JMJD6: variants seen among roughly 807,000 people sequenced by gnomAD.
The protein encoded by JMJD6 is bifunctional arginine demethylase and lysyl-hydroxylase JMJD6.
A neutral mutation model predicts 45.8 loss-of-function variants in JMJD6; 17 were observed. That is an observed-to-expected ratio of 0.37 (90% CI 0.25 to 0.56). JMJD6 has a LOEUF of 0.56. Ranked by LOEUF, JMJD6 falls within the 20% of genes least tolerant of loss-of-function variation. JMJD6 has a pLI of 0.79. For missense variants in JMJD6, 470 were observed against 517.5 expected, an observed-to-expected ratio of 0.91 and a Z score of 0.89; for synonymous variants, 221 against 196.3, an observed-to-expected ratio of 1.13 and a Z score of -1.05.
In JMJD6 at chr17:76,720,344, G is replaced by A. The variant is rs200324832; in HGVS notation, c.1080+16C>T. On this transcript the variant is annotated intron_variant, in intron 5 of 5. Coordinates refer to ENST00000397625, the MANE Select transcript of JMJD6 (RefSeq NM_015167.3). ...CCTTGGAGGCTCCAGGAGTCAGCCA[G>A]AGAGCAAGGCCTCACCTCTGAGTCG... is the stretch of plus-strand genomic sequence containing the variant. The A allele has an allele frequency of 6.2e-7, 1 of 1,613,370 alleles. No individual in the cohort carries two copies. Among genetic ancestry groups the A allele is most frequent in the African/African-American group, 1.3e-5 (1 of 75,028 alleles).
intron 5 of JMJD6, among the ~76,000 whole-genome samples, chr17:76,720,126 CAA>C (rs2076804571): frequency 6.6e-6 from 1 of 152,146 alleles, no homozygotes; most frequent in Non-Finnish European, 1.5e-5. Context: ...GCCTGGGCAA[CAA>C]GAGCGAAACT....
chr17:76,723,848 T>G lies in JMJD6; in HGVS notation c.729A>C (p.Thr243=), dbSNP rs1425997345. The G allele has an allele frequency of 6.2e-7, 1 of 1,614,082 alleles. No homozygotes were observed. Among genetic ancestry groups the G allele is most frequent in the Admixed American group, 1.7e-5 (1 of 59,996 alleles). The part of the protein sequence containing the change: ...ITWFNVIYPR[T]QLPTWPPEFK... ...ATTCAGGTGGCCAGGTTGGAAGCTG[T>G]GTCCGGGGATAAATAACATTAAACC... The change falls in exon 3 of 6, where the codon ACA becomes ACC. Residue 243 remains threonine, a synonymous_variant. Transcript: ENST00000397625.
chr17:76,723,733 G>A lies in JMJD6; in HGVS notation c.805+39C>T, dbSNP rs763853425. ...TGGGATTACAGGCATGAACCACCGC[G>A]CCCGGCAAAGAATGTACTTTCTTCC... On this transcript the variant is annotated intron_variant, in intron 3 of 5. Transcript: ENST00000397625. The A allele has an allele frequency of 6.3e-6, 10 of 1,595,652 alleles. No individual in the cohort carries two copies. In the East Asian group the frequency reaches 6.7e-5, roughly 11 times the overall value.
chr17:76,721,548 A>G (rs1018514141), intron 4 of JMJD6, among the ~76,000 whole-genome samples: 4 of 152,212 alleles, frequency 2.6e-5, no homozygotes, highest in African/African-American at 9.6e-5. Context: ...AAACAATCCC[A>G]ATTATGACGT....
chr17:76,721,329 C>T (rs909010186), intron 4 of JMJD6: 6 of 451,318 alleles, frequency 1.3e-5, no homozygotes, highest in African/African-American at 6.0e-5. Context: ...GGGTGGCTTG[C>T]ACTGCCGCTG....
intron 2 of JMJD6, among the ~76,000 whole-genome samples, chr17:76,725,099 T>C (rs2076890360): frequency 6.6e-6 from 1 of 151,922 alleles, no homozygotes; most frequent in South Asian, 2.1e-4. Flanking sequence ...AGCGAGCAAA[T>C]GCTGTTGTAG....
chr17:76,721,865 T>C lies in JMJD6; in HGVS notation c.874A>G (p.Thr292Ala). The C allele has an allele frequency of 6.2e-7, 1 of 1,614,214 alleles. No homozygotes were observed. The highest frequency in any genetic ancestry group is 8.5e-7 in the Non-Finnish European group (1 of 1,180,032). Residue 292 changes from threonine (T) to alanine (A), a missense_variant, in exon 4 of 6, where the codon ACC (threonine) becomes GCC (alanine). Coordinates refer to ENST00000397625, the MANE Select transcript of JMJD6 (RefSeq NM_015167.3). ...IAITQNFASS[T>A]NFPVVWHKTV... Reference sequence around the variant, plus strand: ...TTGTGCCATACCACAGGGAAGTTGGTGCTGCTGGCAAAATTTTGGGTGATG... The same window carrying C: ...TTGTGCCATACCACAGGGAAGTTGGCGCTGCTGGCAAAATTTTGGGTGATG...
chr17:76,721,884 G>C lies in JMJD6; in HGVS notation c.855C>G (p.Thr285=). ...AGTTGGTGCTGCTGGCAAAATTTTGGGTGATGGCGATAGTAGTGTCGAGAT... is the reference window on the plus strand; with the variant it reads ...AGTTGGTGCTGCTGGCAAAATTTTGCGTGATGGCGATAGTAGTGTCGAGAT... The part of the protein sequence containing the change: ...VLNLDTTIAI[T]QNFASSTNFP... Residue 285 remains threonine, a synonymous_variant, in exon 4 of 6, where the codon ACC becomes ACG. Transcript: ENST00000397625. 7 of 1,614,148 alleles carry C rather than the reference G, an allele frequency of 4.3e-6. No individual in the cohort carries two copies. Among genetic ancestry groups the C allele is most frequent in the Non-Finnish European group, 5.9e-6 (7 of 1,180,026 alleles).
chr17:76,722,855 A>AAG (rs572056301), intron 3 of JMJD6, among the ~76,000 whole-genome samples: 75 of 150,928 alleles, frequency 5.0e-4, no homozygotes, highest in Admixed American at 2.0e-3. Context: ...CAAAAAAAAA[A>AAG]AAAAAAAAAA....
chr17:76,724,442 T>C (rs2076872072), intron 2 of JMJD6, among the ~76,000 whole-genome samples: 3 of 152,230 alleles, frequency 2.0e-5, no homozygotes, highest in African/African-American at 7.2e-5. Flanking sequence ...TTATGTGATA[T>C]GTCATCTTTA....
chr17:76,716,580 T>C, downstream of JMJD6: 1 of 1,053,324 alleles, frequency 9.5e-7, no homozygotes, highest in East Asian at 2.4e-5. Context: ...ATATCCAAAT[T>C]CAAAGAAGAC....
At chr17:76,723,216 T>C (rs910962040) in intron 3 of JMJD6, among the ~76,000 whole-genome samples, 1 of 151,876 alleles carries the variant, frequency 6.6e-6, no homozygotes, top group African/African-American at 2.4e-5. Context: ...AAAGTGCTGA[T>C]ATTACAGGTG....
chr17:76,721,984 T>A (rs1567999225), intron 3 of JMJD6, 51 bp from the exon 4 acceptor site: 1 of 1,598,864 alleles, frequency 6.3e-7, no homozygotes, highest in Non-Finnish European at 8.5e-7. Context: ...TATACCTAAT[T>A]ACTGTATAAC....
Position 76,725,746 on chromosome 17 carries a change from G to A in JMJD6, c.239C>T (p.Ser80Phe), listed in dbSNP as rs751261578. 3.7e-6 allele frequency: 6 copies of A among 1,614,026 alleles called. No homozygotes were observed. In the East Asian group the frequency reaches 1.1e-4, roughly 30 times the overall value. The change falls in exon 2 of 6, where the codon TCT (serine) becomes TTT (phenylalanine). Residue 80 changes from serine (S) to phenylalanine (F), a missense_variant. By Grantham distance (155) the Ser-to-Phe change is radical. Transcript: ENST00000397625. The part of the protein sequence containing the change: ...VVLLNAQEGW[S>F]AQEKWTLERL... The stretch of plus-strand genomic sequence containing the variant: ...CTCCAGAGTCCATTTCTCCTGCGCA[G>A]ACCAGCCCTCTTGCGCATTCAACAA...
chr17:76,714,157 C>T (rs1025669316), downstream of JMJD6: 8 of 152,200 alleles, frequency 5.3e-5, no homozygotes, highest in Admixed American at 3.3e-4. Context: ...ATGGCAGAGG[C>T]ATGTGTGTGA....
Position 76,726,467 on chromosome 17 carries a change from G to C in JMJD6, c.9C>G (p.His3Gln). MN[H>Q]KSKKRIREAK... ...CCTCGCGGATGCGCTTCTTGCTCTTGTGGTTCATTCTGCGGGGTCGCCAGC... is the reference window on the plus strand; with the variant it reads ...CCTCGCGGATGCGCTTCTTGCTCTTCTGGTTCATTCTGCGGGGTCGCCAGC... Residue 3 changes from histidine to glutamine, a missense_variant, in exon 1 of 6, where the codon CAC becomes CAG. Physicochemically the swap from His to Gln is conservative, Grantham distance 24. Transcript: ENST00000397625. 5 of 1,602,186 alleles carry C rather than the reference G, an allele frequency of 3.1e-6. No homozygotes were observed. Among genetic ancestry groups the C allele is most frequent in the Non-Finnish European group, 4.3e-6 (5 of 1,175,454 alleles).
chr17:76,718,694 G>T lies in JMJD6; in HGVS notation c.*35C>A, dbSNP rs1382598100. 3.7e-6 allele frequency: 6 copies of T among 1,608,342 alleles called. No individual in the cohort carries two copies. Among genetic ancestry groups the T allele is most frequent in the African/African-American group, 2.7e-5 (2 of 74,884 alleles). On this transcript the variant is annotated 3_prime_UTR_variant, in exon 6 of 6. Coordinates refer to ENST00000397625, the MANE Select transcript of JMJD6 (RefSeq NM_015167.3). ...TCCCCAGGCCCTGCCCTTGCCGCGA[G>T]CGTGTCCTTCCATACAGACAACAGC...
In JMJD6 at chr17:76,726,469, G is replaced by A; in HGVS notation, c.7C>T (p.His3Tyr). Residue 3 changes from histidine to tyrosine, a missense_variant, in exon 1 of 6, where the codon CAC (histidine) becomes TAC (tyrosine). Coordinates refer to ENST00000397625, the MANE Select transcript of JMJD6 (RefSeq NM_015167.3). MN[H>Y]KSKKRIREAK... ...TCGCGGATGCGCTTCTTGCTCTTGT[G>A]GTTCATTCTGCGGGGTCGCCAGCTG... 6.2e-7 allele frequency: 1 copy of A among 1,600,128 alleles called. No homozygotes were observed. Among genetic ancestry groups the A allele is most frequent in the Non-Finnish European group, 8.5e-7 (1 of 1,174,222 alleles).
downstream of JMJD6, chr17:76,716,188 G>C (rs753498298): frequency 6.4e-6 from 1 of 156,596 alleles, no homozygotes; most frequent in Non-Finnish European, 1.4e-5. Flanking sequence ...TGATGGTGCT[G>C]GGTCACTGCC....
Sources: allele counts gnomAD v4.1 joint callset (sites outside exome capture counted in the v4.1 genomes callset), GRCh38; gene constraint gnomAD v4.1.1; transcripts MANE v1.5; gene names NCBI Gene and HGNC (gene_info 2026-07-23, HGNC 2026-07-21).